The following SIPA1L1 variants were observed in gnomAD, a reference collection of about 807,000 sequenced individuals.
SIPA1L1 encodes signal induced proliferation associated 1 like 1, also known as signal-induced proliferation-associated 1-like protein 1.
Under a neutral mutation model 162.7 loss-of-function variants are expected in SIPA1L1, and 26 were observed. That is an observed-to-expected ratio of 0.16 (90% CI 0.12 to 0.22). SIPA1L1 has a LOEUF of 0.22. SIPA1L1 is among the 10% of genes least tolerant of loss of function. The pLI is 1.00. For synonymous variants in SIPA1L1, 829 were observed against 837.4 expected, an observed-to-expected ratio of 0.99 and a Z score of 0.17; for missense variants, 1,874 against 2,241.0, an observed-to-expected ratio of 0.84 and a Z score of 3.31.
At chr14:71,566,220 T>G (rs2030526528) in intron 4 of SIPA1L1, among the ~76,000 whole-genome samples, 1 of 152,178 alleles carries the variant, frequency 6.6e-6, no homozygotes, top group Non-Finnish European at 1.5e-5. Flanking sequence ...ATAATTTACT[T>G]TATAATAACC....
chr14:71,600,521 G>A (rs1313018998), intron 5 of SIPA1L1, among the ~76,000 whole-genome samples: 1 of 152,120 alleles, frequency 6.6e-6, no homozygotes, highest in Non-Finnish European at 1.5e-5. Context: ...TTTAAAGTCA[G>A]GTAATATAAT....
chr14:71,478,113 T>C (rs185715903), intron 2 of SIPA1L1, among the ~76,000 whole-genome samples: 294 of 152,348 alleles, frequency 1.9e-3, no homozygotes, highest in Non-Finnish European at 3.4e-3. Flanking sequence ...ATTTCTCTAG[T>C]GGCTAATGAG....
chr14:71,570,060 GGATGTA>G (rs1323200594), intron 4 of SIPA1L1, among the ~76,000 whole-genome samples: 1 of 152,072 alleles, frequency 6.6e-6, no homozygotes, highest in Non-Finnish European at 1.5e-5. Flanking sequence ...GTGATTCCCT[GGATGTA>G]GATACAAAGT....
intron 2 of SIPA1L1, among the ~76,000 whole-genome samples, chr14:71,502,251 AAAAAATATAT>A (rs1398714106): frequency 4.8e-3 from 292 of 60,960 alleles, no homozygotes; most frequent in Non-Finnish European, 7.5e-3. Flanking sequence ...TGAAAAAAAA[AAAAAATATAT>A]ATATATATAT....
intron 3 of SIPA1L1, among the ~76,000 whole-genome samples, chr14:71,527,734 G>A (rs897239482): frequency 6.6e-6 from 1 of 152,188 alleles, no homozygotes; most frequent in Non-Finnish European, 1.5e-5. Context: ...TACATGGACA[G>A]TGATCCTCAG....
chr14:71,547,207 G>T (rs1283982955), intron 4 of SIPA1L1, among the ~76,000 whole-genome samples: 1 of 149,466 alleles, frequency 6.7e-6, no homozygotes, highest in African/African-American at 2.5e-5. Context: ...TGAACTAATT[G>T]AATAACTTTT....
chr14:71,480,192 C>T (rs1190825979), intron 2 of SIPA1L1, among the ~76,000 whole-genome samples: 1 of 151,536 alleles, frequency 6.6e-6, no homozygotes, highest in Non-Finnish European at 1.5e-5. Context: ...AAGCGATTCT[C>T]CTGCCTCAGC....
intron 2 of SIPA1L1, among the ~76,000 whole-genome samples, chr14:71,334,730 G>A (rs774092260): frequency 2.0e-5 from 3 of 151,966 alleles, no homozygotes; most frequent in Admixed American, 6.6e-5. Flanking sequence ...TTGGGAGACC[G>A]CTCTTCATGT....
intron 5 of SIPA1L1, among the ~76,000 whole-genome samples, chr14:71,601,851 G>A (rs545800658): frequency 3.2e-4 from 49 of 151,938 alleles, no homozygotes; most frequent in Non-Finnish European, 3.2e-4. Flanking sequence ...TTTCCTGTAC[G>A]TTTTTTAGTT....
intron 3 of SIPA1L1, among the ~76,000 whole-genome samples, chr14:71,523,033 A>G (rs935380272): frequency 1.8e-4 from 28 of 152,186 alleles, no homozygotes; most frequent in African/African-American, 6.3e-4. Flanking sequence ...TAATTTTTCA[A>G]GGTCAGTCTT....
chr14:71,336,656 T>C (rs2035124409), intron 2 of SIPA1L1, among the ~76,000 whole-genome samples: 1 of 152,200 alleles, frequency 6.6e-6, no homozygotes, highest in South Asian at 2.1e-4. Context: ...CTAAGTGTGT[T>C]TGTAGAACAG....
At chr14:71,494,718 G>A (rs2049588911) in intron 2 of SIPA1L1, among the ~76,000 whole-genome samples, 2 of 151,812 alleles carry the variant, frequency 1.3e-5, no homozygotes, top group East Asian at 1.9e-4. Flanking sequence ...TGTAGAGATG[G>A]GACCTTACTA....
chr14:71,609,097 G>A (rs964819142), intron 5 of SIPA1L1, among the ~76,000 whole-genome samples: 3 of 151,930 alleles, frequency 2.0e-5, no homozygotes, highest in Admixed American at 6.6e-5. Flanking sequence ...TTTTTGTCCT[G>A]CTTCTATATT....
At chr14:71,537,573 C>G (rs1004041114) in intron 4 of SIPA1L1, among the ~76,000 whole-genome samples, 1 of 152,174 alleles carries the variant, frequency 6.6e-6, no homozygotes, top group African/African-American at 2.4e-5. Flanking sequence ...CCAGTGTAAT[C>G]TCTTTTCAGA....
chr14:71,661,598 A>G (rs1566590813), intron 10 of SIPA1L1, 131 bp downstream of exon 10: 3 of 933,702 alleles, frequency 3.2e-6, no homozygotes, highest in Admixed American at 3.1e-5. Flanking sequence ...TAAACCATGC[A>G]TGCGGATGGC....
At chr14:71,474,573 A>G (rs2047706184) in intron 2 of SIPA1L1, among the ~76,000 whole-genome samples, 1 of 152,244 alleles carries the variant, frequency 6.6e-6, no homozygotes, top group African/African-American at 2.4e-5. Context: ...TGCCAAAATT[A>G]TAGAATGGGA....
At chr14:71,496,109 A>G (rs540701644) in intron 2 of SIPA1L1, among the ~76,000 whole-genome samples, 2 of 151,126 alleles carry the variant, frequency 1.3e-5, no homozygotes, top group Admixed American at 6.6e-5. Flanking sequence ...GTCTTTAGCC[A>G]CAGCTTTAGC....
chr14:71,671,609 A>G lies in SIPA1L1; in HGVS notation c.2746A>G (p.Ile916Val), dbSNP rs1223772714. ...GACTTCAACTGACACCAGCCTCAAA[A>G]TCTTCTATGAACGAGGAGAATGTGT... ...GWTSTDTSLK[I>V]FYERGECVSV... Residue 916 changes from isoleucine (I) to valine (V), a missense_variant, in exon 11 of 24, where the codon ATC becomes GTC. Physicochemically the swap from Ile to Val is conservative, Grantham distance 29 (BLOSUM62 3). Transcript: ENST00000381232. The G allele has an allele frequency of 2.5e-6, 4 of 1,614,200 alleles. No homozygotes were observed. The highest frequency in any genetic ancestry group is 3.4e-6 in the Non-Finnish European group (4 of 1,180,020).
At chr14:71,527,440 C>G (rs2052996559) in intron 3 of SIPA1L1, among the ~76,000 whole-genome samples, 2 of 152,130 alleles carry the variant, frequency 1.3e-5, no homozygotes, top group South Asian at 4.1e-4. Context: ...CTCCTGGGCT[C>G]AAGCAATCCT....
Sources: gnomAD v4.1 joint callset for allele counts (sites outside exome capture counted in the v4.1 genomes callset) on GRCh38, gnomAD v4.1.1 for gene constraint, MANE v1.5 for transcripts, NCBI Gene and HGNC (gene_info 2026-07-23, HGNC 2026-07-21) for gene names.